PCDHA2: variants seen among roughly 807,000 people sequenced by gnomAD.
PCDHA2 encodes protocadherin alpha-2.
PCDHA2 carries 58 observed loss-of-function variants against 66.0 expected under a neutral mutation model. That is an observed-to-expected ratio of 0.88 (90% CI 0.71 to 1.09). The LOEUF (loss-of-function observed/expected upper bound fraction) is 1.09, where lower values mean the gene tolerates loss of function less well. PCDHA2 is among the 50% of genes least tolerant of loss of function. PCDHA2 has a pLI of 0.00. For missense variants in PCDHA2, 1,267 were observed against 1,242.3 expected, an observed-to-expected ratio of 1.02 and a Z score of -0.30; for synonymous variants, 634 against 554.0, an observed-to-expected ratio of 1.14 and a Z score of -2.03.
intron 1 of PCDHA2, chr5:140,876,188 G>T: frequency 6.2e-7 from 1 of 1,613,944 alleles, no homozygotes; most frequent in South Asian, 1.1e-5. Flanking sequence ...AATGACAATG[G>T]TCCGGCGTTT....
chr5:140,905,580 T>C (rs2071928885), intron 1 of PCDHA2, among the ~76,000 whole-genome samples: 1 of 152,168 alleles, frequency 6.6e-6, no homozygotes, highest in Non-Finnish European at 1.5e-5. Flanking sequence ...AGAATGATAA[T>C]GATATTTTGC....
intron 1 of PCDHA2, chr5:140,866,517 C>T (rs1554160368): frequency 6.6e-6 from 1 of 152,090 alleles, no homozygotes; most frequent in African/African-American, 2.4e-5. Flanking sequence ...CTTGACTAAG[C>T]CATGATAGAG....
intron 1 of PCDHA2, chr5:140,847,658 T>C (rs1554141863): frequency 6.7e-6 from 1 of 149,650 alleles, no homozygotes; most frequent in East Asian, 1.9e-4. Context: ...TATTCATAGA[T>C]TATAAAGCTT....
At chr5:140,835,557 C>G (rs2150238146) in intron 1 of PCDHA2, 4 of 1,613,818 alleles carry the variant, frequency 2.5e-6, no homozygotes, top group Non-Finnish European at 3.4e-6. Context: ...CCTGACGCCC[C>G]GCGTTCCCTT....
At chr5:140,869,044 C>T (rs2050811433) in intron 1 of PCDHA2, 1 of 1,530,006 alleles carries the variant, frequency 6.5e-7, no homozygotes, top group Non-Finnish European at 8.8e-7. Flanking sequence ...TAACCTGAAA[C>T]TGAAGAATCT....
In PCDHA2 at chr5:140,877,039, C is replaced by T. The variant is rs782458785; in HGVS notation, c.2388+79687C>T. ...CGGCAAGGTGTACGCGCTGCAGCCG[C>T]TAGACCACGAGGAGCTGGAGCTGCT... is the stretch of plus-strand genomic sequence containing the variant. On this transcript the variant is annotated intron_variant, in intron 1 of 3. Transcript: ENST00000526136. The T allele has an allele frequency of 3.7e-6, 6 of 1,612,576 alleles. No homozygotes were observed. In the African/African-American group the frequency reaches 5.3e-5, roughly 14 times the overall value.
At chr5:140,904,275 C>A (rs169087) in intron 1 of PCDHA2, among the ~76,000 whole-genome samples, 7,060 of 152,068 alleles carry the variant, frequency 0.046, 292 homozygotes, top group African/African-American at 0.11. Flanking sequence ...TGAATGAGAA[C>A]ATGTGGTGTT....
intron 1 of PCDHA2, chr5:140,803,693 G>A (rs782316183): frequency 1.9e-6 from 3 of 1,543,450 alleles, no homozygotes; most frequent in Non-Finnish European, 8.8e-7. Context: ...TGAATTATGT[G>A]ATTCATAATT....
In PCDHA2 at chr5:140,929,637, G is replaced by A. The variant is rs373869618; in HGVS notation, c.2389-49312G>A. ...CCAAAATATTTTATAAGCAACAGATGTGTAAGGCACTCTAATATTTAAAGT... is the reference window on the plus strand; with the variant it reads ...CCAAAATATTTTATAAGCAACAGATATGTAAGGCACTCTAATATTTAAAGT... On this transcript the variant is annotated intron_variant, in intron 1 of 3. Coordinates refer to ENST00000526136, the MANE Select transcript of PCDHA2 (RefSeq NM_018905.3). The A allele has an allele frequency of 1.4e-4, 52 of 378,290 alleles. No homozygotes were observed. The South Asian group carries it at 3.2e-3, about 23-fold the overall frequency. The allele number at this position is 378,290 out of a possible 1,614,324, so 23.4% of individuals were successfully genotyped here. A position where few individuals can be genotyped will look rare whatever the true frequency, so the allele number is the denominator to read the frequency against.
chr5:140,852,980 G>C (rs782092693), intron 1 of PCDHA2: 1 of 347,518 alleles, frequency 2.9e-6, no homozygotes, highest in Non-Finnish European at 4.2e-6. Flanking sequence ...CCGTGTTCAC[G>C]CCATTCTCCT....
chr5:140,856,808 C>T, intron 1 of PCDHA2: 1 of 1,594,492 alleles, frequency 6.3e-7, no homozygotes, highest in Non-Finnish European at 8.6e-7. Context: ...GTATGAAAAT[C>T]AAGTGAACCA....
At chr5:140,818,270 T>G (rs2150100638) in intron 1 of PCDHA2, among the ~76,000 whole-genome samples, 1 of 152,366 alleles carries the variant, frequency 6.6e-6, no homozygotes, top group African/African-American at 2.4e-5. Context: ...CTTTTTCTCT[T>G]TGTTTCATAA....
rs1554119230 is a variant in PCDHA2, at chr5:140,795,051, C to T, written c.87C>T (p.Gly29=). 1 of 1,613,874 alleles carries T rather than the reference C, an allele frequency of 6.2e-7. No individual in the cohort carries two copies. The highest frequency in any genetic ancestry group is 8.5e-7 in the Non-Finnish European group (1 of 1,180,018). The stretch of plus-strand genomic sequence containing the variant: ...TCGCAGCCTGGGAGGTGGGGAGCGG[C>T]CAGCTCCGCTACTCCGTCCCCGAGG... ...LLLAAWEVGS[G]QLRYSVPEEA... is the part of the protein sequence containing the mutation. Residue 29 remains glycine, a synonymous_variant, in exon 1 of 4, where the codon GGC becomes GGT. Coordinates refer to ENST00000526136, the MANE Select transcript of PCDHA2 (RefSeq NM_018905.3).
intron 1 of PCDHA2, chr5:140,804,289 CTTTAG>C (rs1763373748): frequency 6.6e-6 from 1 of 152,004 alleles, no homozygotes; most frequent in South Asian, 2.1e-4. Context: ...CTTTGTTCAT[CTTTAG>C]TTTATCACTA....
At chr5:140,918,432 T>C (rs1462854272) in intron 1 of PCDHA2, among the ~76,000 whole-genome samples, 2 of 152,204 alleles carry the variant, frequency 1.3e-5, no homozygotes, top group Non-Finnish European at 2.9e-5. Context: ...GGATGTTGAA[T>C]AGGAGTGGTG....
intron 1 of PCDHA2, chr5:140,830,424 C>G: frequency 3.7e-6 from 6 of 1,613,930 alleles, no homozygotes; most frequent in Non-Finnish European, 5.1e-6. Flanking sequence ...AGCCTTTCAC[C>G]TTGTCCTATT....
At chr5:140,840,202 A>G (rs1426103909) in intron 1 of PCDHA2, among the ~76,000 whole-genome samples, 1 of 152,086 alleles carries the variant, frequency 6.6e-6, no homozygotes, top group African/African-American at 2.4e-5. Flanking sequence ...AAGGAAAAGA[A>G]GTCATAAAAA....
At chr5:140,843,834 GT>G in intron 1 of PCDHA2, 2 of 1,102,918 alleles carry the variant, frequency 1.8e-6, no homozygotes, top group Non-Finnish European at 2.6e-6. Flanking sequence ...ACATTGTTTA[GT>G]TTTTAGAAAC....
chr5:140,972,280 T>C (rs1210047183), intron 1 of PCDHA2, among the ~76,000 whole-genome samples: 1 of 151,092 alleles, frequency 6.6e-6, no homozygotes, highest in South Asian at 2.1e-4. Context: ...GCTTGGACCA[T>C]AGATGTGCGC....
Sources: allele counts gnomAD v4.1 joint callset (sites outside exome capture counted in the v4.1 genomes callset), GRCh38; gene constraint gnomAD v4.1.1; transcripts MANE v1.5; gene names NCBI Gene and HGNC (gene_info 2026-07-23, HGNC 2026-07-21).